Variants in TP53BP2 observed in about 807,000 individuals in gnomAD.
TP53BP2 encodes the protein apoptosis-stimulating of p53 protein 2.
Under a neutral mutation model 126.2 loss-of-function variants are expected in TP53BP2, and 62 were observed. The ratio of observed to expected loss-of-function variants is 0.49; its 90% CI spans 0.40 to 0.61. The LOEUF (loss-of-function observed/expected upper bound fraction) is 0.61. Ranked by LOEUF, TP53BP2 falls within the 20% of genes least tolerant of loss-of-function variation. The pLI, the probability that TP53BP2 is intolerant of heterozygous loss-of-function variation, is 0.00. For missense variants in TP53BP2, 1,215 were observed against 1,402.8 expected (o/e 0.87, Z 2.14); for synonymous variants, 485 against 502.9 (o/e 0.96, Z 0.48).
chr1:223,803,522 G>T, intron 6 of TP53BP2, 70 bp from the exon 7 acceptor site: 1 of 1,430,830 alleles, frequency 7.0e-7, no homozygotes. Context: ...CCAGGCAACC[G>T]GGCTTTACAA....
In TP53BP2 at chr1:223,831,481, ATATATATATATATATAT is replaced by A. The variant is rs1361012257; in HGVS notation, c.28-10131_28-10115del. 1.3e-3 allele frequency among the ~76,000 whole-genome samples: 46 copies of A among 35,472 alleles called. 2 individuals are homozygous for A. The highest frequency in any genetic ancestry group is 3.0e-3 in the African/African-American group (43 of 14,560). The allele number at this position is 35,472 out of a possible 152,430, so 23.3% of individuals were successfully genotyped here. Reference sequence around the variant, plus strand: ...ATGTACCATCTAAAAAAAAAAAAAAATATATATATATATATATATATATATATATATATATACTGACC... The same window carrying A: ...ATGTACCATCTAAAAAAAAAAAAAAAATATATATATATATATATACTGACC... On this transcript the variant is annotated intron_variant, in intron 1 of 17. Transcript: ENST00000343537.
intron 13 of TP53BP2, among the ~76,000 whole-genome samples, chr1:223,795,191 A>G (rs1346150003): frequency 6.6e-6 from 1 of 152,232 alleles, no homozygotes; most frequent in East Asian, 1.9e-4. Flanking sequence ...AAAATCTTAG[A>G]ATAACTTTCG....
At position 223,810,516 on chromosome 1, in the gene TP53BP2, A is replaced by G. The variant is rs1343251988; in HGVS notation, c.290-3T>C. 18 of 1,595,452 alleles carry G rather than the reference A, an allele frequency of 1.1e-5. No homozygotes were observed. Among genetic ancestry groups the G allele is most frequent in the Non-Finnish European group, 1.5e-5 (18 of 1,170,470 alleles). ...ATCCTGAGATCTTGGTCCACTCACT[A>G]AGGACAAAATTCAAAAACTATGCAT... On this transcript the variant is annotated splice_region_variant and splice_polypyrimidine_tract_variant and intron_variant, in intron 3 of 17. Coordinates refer to ENST00000343537, the MANE Select transcript of TP53BP2 (RefSeq NM_001031685.3).
At chr1:223,819,719 A>G (rs1053304583) in intron 2 of TP53BP2, among the ~76,000 whole-genome samples, 5 of 152,044 alleles carry the variant, frequency 3.3e-5, no homozygotes, top group African/African-American at 9.7e-5. Context: ...GGAAGCACAC[A>G]ATGGATGGTT....
chr1:223,845,801 A>C lies in TP53BP2; in HGVS notation c.-121T>G. On this transcript the variant is annotated 5_prime_UTR_variant, in exon 1 of 18. Transcript: ENST00000343537. ...CCTGTTGCGAGGCGGCGGCGGCGGC[A>C]GCGGCGGCGCGCGGGTCCGAAGGGC... 1.0e-6 allele frequency: 1 copy of C among 996,684 alleles called. No homozygotes were observed. Among genetic ancestry groups the C allele is most frequent in the African/African-American group, 1.8e-5 (1 of 56,750 alleles). 61.7% of individuals were successfully genotyped at this position (996,684 alleles called of 1,614,324 possible).
intron 1 of TP53BP2, among the ~76,000 whole-genome samples, chr1:223,844,394 T>A (rs1014926920): frequency 6.6e-6 from 1 of 152,080 alleles, no homozygotes; most frequent in Non-Finnish European, 1.5e-5. Context: ...TTAGGAAAAA[T>A]TCACAGACAA....
Position 223,845,684 on chromosome 1 carries a change from A to G in TP53BP2, c.-4T>C. 4 of 1,547,918 alleles carry G rather than the reference A, an allele frequency of 2.6e-6. No individual in the cohort carries two copies. Among genetic ancestry groups the G allele is most frequent in the Non-Finnish European group, 3.5e-6 (4 of 1,154,078 alleles). On this transcript the variant is annotated 5_prime_UTR_variant, in exon 1 of 18. Coordinates refer to ENST00000343537, the MANE Select transcript of TP53BP2 (RefSeq NM_001031685.3). ...TCATCTTGGACCCGAACCGCATGGA[A>G]GCGGGTGGCCAGACTGCGGCCCCGG... is the stretch of plus-strand genomic sequence containing the variant.
intron 1 of TP53BP2, among the ~76,000 whole-genome samples, chr1:223,831,228 T>G (rs1163835029): frequency 7.5e-6 from 1 of 133,114 alleles, no homozygotes; most frequent in East Asian, 2.1e-4. Context: ...CCATTTATAT[T>G]AAAAAAAAAA....
chr1:223,814,687 A>G (rs1663026720), intron 2 of TP53BP2, among the ~76,000 whole-genome samples: 1 of 152,218 alleles, frequency 6.6e-6, no homozygotes. Flanking sequence ...TCTATATTAG[A>G]TCACATAGTC....
chr1:223,806,776 A>T (rs1662732562), intron 5 of TP53BP2, 70 bp downstream of exon 5: 2 of 1,234,798 alleles, frequency 1.6e-6, no homozygotes, highest in Admixed American at 3.6e-5. Flanking sequence ...GTGAGCCAAG[A>T]TCGTGCCACT....
chr1:223,812,663 G>T (rs561634932), intron 3 of TP53BP2, among the ~76,000 whole-genome samples: 1 of 152,142 alleles, frequency 6.6e-6, no homozygotes, highest in African/African-American at 2.4e-5. Flanking sequence ...TGATTCAAGC[G>T]ATTCTCCCGC....
At position 223,800,723 on chromosome 1, in the gene TP53BP2, C is replaced by T; in HGVS notation, c.1313G>A (p.Ser438Asn). The T allele has an allele frequency of 4.4e-6, 7 of 1,605,522 alleles. No individual in the cohort carries two copies. The highest frequency in any genetic ancestry group is 1.1e-5 in the South Asian group (1 of 89,138). The stretch of plus-strand genomic sequence containing the variant: ...ACCTTGATCCAGAGCATTCCCAGTG[C>T]TTTGAGGTACAGAAGCAGAGCCTTG... ...PSQGSASVPQ[S>N]TGNALDQVDD... The change falls in exon 10 of 18, where the codon AGC becomes AAC. Residue 438 changes from serine (S) to asparagine (N), a missense_variant. Ser to Asn is a conservative substitution (Grantham distance 46). Coordinates refer to ENST00000343537, the MANE Select transcript of TP53BP2 (RefSeq NM_001031685.3).
intron 1 of TP53BP2, among the ~76,000 whole-genome samples, chr1:223,841,055 AG>A (rs1664085368): frequency 1.3e-5 from 2 of 152,152 alleles, no homozygotes; most frequent in African/African-American, 4.8e-5. Context: ...GTTCAAGATC[AG>A]CCTGGCCAAT....
chr1:223,839,395 G>A (rs1664030867), intron 1 of TP53BP2, among the ~76,000 whole-genome samples: 2 of 152,192 alleles, frequency 1.3e-5, no homozygotes, highest in South Asian at 2.1e-4. Flanking sequence ...CCCTGGGAGG[G>A]AAGTTAGAGT....
chr1:223,829,600 T>G (rs567480422), intron 1 of TP53BP2, among the ~76,000 whole-genome samples: 1 of 152,038 alleles, frequency 6.6e-6, no homozygotes, highest in East Asian at 1.9e-4. Flanking sequence ...CAAAATGGGG[T>G]TCCCTAGAGT....
chr1:223,829,871 G>A (rs77574487), intron 1 of TP53BP2, among the ~76,000 whole-genome samples: 5,875 of 152,120 alleles, frequency 0.039, 373 homozygotes, highest in African/African-American at 0.13. Flanking sequence ...TAGAAAAAGT[G>A]CATATTAGAT....
In TP53BP2 at chr1:223,804,341, C is replaced by T. The variant is rs758880140; in HGVS notation, c.482G>A (p.Arg161His). The T allele has an allele frequency of 9.3e-6, 15 of 1,612,864 alleles. No homozygotes were observed. In the African/African-American group the frequency reaches 1.1e-4, roughly 12 times the overall value. Residue 161 changes from arginine (R) to histidine (H), a missense_variant, in exon 6 of 18, where the codon CGC becomes CAC. Arg to His is a conservative substitution (Grantham distance 29, BLOSUM62 0). This residue lies in a region of TP53BP2 where 814 missense variants were observed against 853.0 expected (regional missense o/e 0.95). Coordinates refer to ENST00000343537, the MANE Select transcript of TP53BP2 (RefSeq NM_001031685.3). The part of the protein sequence containing the change: ...QQQLLATKEQ[R>H]LKFLKQQDQR... ...ATCTTGTTGTTTCAAAAACTTTAAG[C>T]GCTGTTCCTAAAAATAAAAGTAATC...
rs761045421 is a variant in TP53BP2 at position 223,800,817 on chromosome 1, T to C, written c.1226-7A>G. 1 of 1,587,348 alleles carries C rather than the reference T, an allele frequency of 6.3e-7. No individual in the cohort carries two copies. Among genetic ancestry groups the C allele is most frequent in the Non-Finnish European group, 8.6e-7 (1 of 1,165,616 alleles). On this transcript the variant is annotated splice_polypyrimidine_tract_variant and splice_region_variant and intron_variant, in intron 9 of 17. Coordinates refer to ENST00000343537, the MANE Select transcript of TP53BP2 (RefSeq NM_001031685.3). The stretch of plus-strand genomic sequence containing the variant: ...ACTGGATGGATTTTAGAGCCTAAAA[T>C]ACAGAAAAGCAGCTACAAATAACTC...
At chr1:223,819,462 G>A (rs536065280) in intron 2 of TP53BP2, among the ~76,000 whole-genome samples, 95 of 152,164 alleles carry the variant, frequency 6.2e-4, no homozygotes, top group Admixed American at 2.1e-3. Context: ...CGAGACGGGT[G>A]GATCACGAGG....
Sources: allele counts gnomAD v4.1 joint callset (sites outside exome capture counted in the v4.1 genomes callset), GRCh38; gene constraint gnomAD v4.1.1; regional missense constraint gnomAD v4.1.1; transcripts MANE v1.5; gene names NCBI Gene and HGNC (gene_info 2026-07-23, HGNC 2026-07-21).